SLC24A2: variants seen among roughly 807,000 people sequenced by gnomAD.
SLC24A2 encodes solute carrier family 24 member 2, also known as sodium/potassium/calcium exchanger 2.
SLC24A2 carries 36 observed loss-of-function variants against 62.0 expected under a neutral mutation model. The observed-to-expected ratio is 0.58, with a 90% confidence interval of 0.44 to 0.77. The LOEUF (loss-of-function observed/expected upper bound fraction) is 0.77. Among genes scored for constraint, SLC24A2 ranks in the 30% least tolerant of loss-of-function variants. The pLI, the probability that SLC24A2 is intolerant of heterozygous loss-of-function variation, is 0.00. For missense variants in SLC24A2, 846 were observed against 817.9 expected (o/e 1.03, Z -0.42); for synonymous variants, 358 against 294.0 (o/e 1.22, Z -2.23).
the SLC24A2 span, among the ~76,000 whole-genome samples, chr9:20,058,714 T>C: frequency 2.6e-5 from 4 of 152,322 alleles, no homozygotes; most frequent in South Asian, 8.3e-4. Flanking sequence ...TGCAGTGAAC[T>C]ACGATTGAGT....
intron 5 of SLC24A2, among the ~76,000 whole-genome samples, chr9:19,577,894 A>T (rs1326538027): frequency 6.6e-6 from 1 of 150,474 alleles, no homozygotes; most frequent in Admixed American, 6.6e-5. Flanking sequence ...ATATGATGGA[A>T]TACTATGCAG....
the SLC24A2 span, among the ~76,000 whole-genome samples, chr9:19,996,587 C>A: frequency 6.6e-6 from 1 of 151,698 alleles, no homozygotes; most frequent in Non-Finnish European, 1.5e-5. Context: ...TAAAAAAATA[C>A]AAAACTAAGC....
chr9:20,083,171 T>C, the SLC24A2 span, among the ~76,000 whole-genome samples: 1 of 152,218 alleles, frequency 6.6e-6, no homozygotes, highest in Non-Finnish European at 1.5e-5. Flanking sequence ...GTGATTGGAG[T>C]ACATATACTC....
the SLC24A2 span, among the ~76,000 whole-genome samples, chr9:19,859,099 A>C: frequency 1.3e-5 from 2 of 152,190 alleles, no homozygotes; most frequent in East Asian, 1.9e-4. Flanking sequence ...ATCAACCTAG[A>C]TGCCCACCAA....
intron 2 of SLC24A2, among the ~76,000 whole-genome samples, chr9:19,769,593 T>C (rs551747303): frequency 5.9e-5 from 9 of 152,306 alleles, no homozygotes; most frequent in South Asian, 2.1e-4. Flanking sequence ...CAGACAAATA[T>C]ATTTTTCTAT....
chr9:20,285,087 G>C, the SLC24A2 span, among the ~76,000 whole-genome samples: 1 of 152,172 alleles, frequency 6.6e-6, no homozygotes, highest in Non-Finnish European at 1.5e-5. Context: ...GAGCTAGCAG[G>C]GTGGGCAGGA....
the SLC24A2 span, among the ~76,000 whole-genome samples, chr9:19,842,767 C>T: frequency 1.3e-5 from 2 of 152,216 alleles, no homozygotes; most frequent in African/African-American, 2.4e-5. Flanking sequence ...ATCTATTCTA[C>T]ACAGTCCTTC....
the SLC24A2 span, among the ~76,000 whole-genome samples, chr9:20,105,023 A>G: frequency 6.6e-6 from 1 of 152,184 alleles, no homozygotes; most frequent in Non-Finnish European, 1.5e-5. Context: ...CAAATGGAAA[A>G]CAAAAAAAGG....
At chr9:20,232,491 C>T in the SLC24A2 span, among the ~76,000 whole-genome samples, 3,287 of 152,214 alleles carry the variant, frequency 0.022, 129 homozygotes, top group African/African-American at 0.074. Context: ...GGAATTTATC[C>T]ATTTCTTCTA....
chr9:20,196,585 G>C, the SLC24A2 span, among the ~76,000 whole-genome samples: 2 of 152,076 alleles, frequency 1.3e-5, no homozygotes, highest in African/African-American at 4.8e-5. Context: ...CAATCAGCTA[G>C]AATTAAATAT....
At chr9:20,060,262 C>T in the SLC24A2 span, among the ~76,000 whole-genome samples, 2 of 152,016 alleles carry the variant, frequency 1.3e-5, no homozygotes, top group Non-Finnish European at 2.9e-5. Context: ...TTCAAACTCT[C>T]CCAAAAAATA....
rs1256548976 is a variant in SLC24A2 at position 19,508,259 on chromosome 9, C to T, written c.*7894G>A. The T allele has an allele frequency of 6.6e-6, 1 of 152,186 alleles. No individual in the cohort carries two copies. The allele number at this position is 152,186 out of a possible 1,614,324, so 9.4% of individuals were successfully genotyped here. On this transcript the variant is annotated 3_prime_UTR_variant, in exon 11 of 11. Coordinates refer to ENST00000341998, the MANE Select transcript of SLC24A2 (RefSeq NM_020344.4). Reference sequence around the variant, plus strand: ...AATTCAGTAACTGAGGCTCCCTCTTCCGAATAGAGTCTCAGCCCTTTAGAG... The same window carrying T: ...AATTCAGTAACTGAGGCTCCCTCTTTCGAATAGAGTCTCAGCCCTTTAGAG...
At chr9:19,904,875 C>A in the SLC24A2 span, among the ~76,000 whole-genome samples, 1 of 152,138 alleles carries the variant, frequency 6.6e-6, no homozygotes, top group African/African-American at 2.4e-5. Flanking sequence ...CATATCTACA[C>A]AGCTGGTAGA....
intron 5 of SLC24A2, among the ~76,000 whole-genome samples, chr9:19,585,988 C>A (rs1264048937): frequency 1.3e-5 from 2 of 152,152 alleles, no homozygotes; most frequent in East Asian, 1.9e-4. Flanking sequence ...AATTGGTCTC[C>A]CAGTTTTCAA....
the SLC24A2 span, among the ~76,000 whole-genome samples, chr9:19,966,935 T>G: frequency 2.0e-5 from 3 of 152,136 alleles, no homozygotes; most frequent in East Asian, 1.9e-4. Context: ...GTGAGACCAA[T>G]TTTTCTTCTT....
chr9:19,585,478 A>C (rs1228407331), intron 5 of SLC24A2, among the ~76,000 whole-genome samples: 1 of 152,214 alleles, frequency 6.6e-6, no homozygotes, highest in Non-Finnish European at 1.5e-5. Context: ...AGTTCTCCAG[A>C]AGCAATGACT....
the SLC24A2 span, among the ~76,000 whole-genome samples, chr9:19,798,460 A>G: frequency 2.0e-5 from 3 of 152,144 alleles, no homozygotes; most frequent in Non-Finnish European, 4.4e-5. Flanking sequence ...CAATTTTTAT[A>G]TTAATTCATA....
At chr9:20,065,984 G>A in the SLC24A2 span, among the ~76,000 whole-genome samples, 3 of 152,116 alleles carry the variant, frequency 2.0e-5, no homozygotes, top group Non-Finnish European at 2.9e-5. Flanking sequence ...CAACTATAAA[G>A]GCTGGAGTCA....
At chr9:19,803,986 G>A in the SLC24A2 span, among the ~76,000 whole-genome samples, 1 of 152,170 alleles carries the variant, frequency 6.6e-6, no homozygotes, top group South Asian at 2.1e-4. Flanking sequence ...TTTATTTAGT[G>A]AAGAAGAAAT....
Sources: gnomAD v4.1 joint callset for allele counts (sites outside exome capture counted in the v4.1 genomes callset) on GRCh38, gnomAD v4.1.1 for gene constraint, MANE v1.5 for transcripts, NCBI Gene and HGNC (gene_info 2026-07-23, HGNC 2026-07-21) for gene names.